The following RECK variants were observed in gnomAD, a reference collection of about 807,000 sequenced individuals.
RECK encodes reversion inducing cysteine rich protein with kazal motifs, also known as reversion-inducing cysteine-rich protein with Kazal motifs.
Under a neutral mutation model 115.1 loss-of-function variants are expected in RECK, and 69 were observed. That is an observed-to-expected ratio of 0.60 (90% CI 0.49 to 0.73). The LOEUF (loss-of-function observed/expected upper bound fraction) is 0.73, where lower values mean the gene tolerates loss of function less well. Among genes scored for constraint, RECK ranks in the 30% least tolerant of loss-of-function variants. The pLI, the probability that RECK is intolerant of heterozygous loss-of-function variation, is 0.00. For synonymous variants in RECK, 414 were observed against 419.7 expected (o/e 0.99, Z 0.17); for missense variants, 1,047 against 1,203.7 (o/e 0.87, Z 1.93).
At position 36,036,958 on chromosome 9, in the gene RECK, G is replaced by C; in HGVS notation, c.-41G>C. 1.5e-6 allele frequency: 2 copies of C among 1,333,396 alleles called. No individual in the cohort carries two copies. The highest frequency in any genetic ancestry group is 2.0e-6 in the Non-Finnish European group (2 of 1,024,356). 82.6% of individuals were successfully genotyped at this position (1,333,396 alleles called of 1,614,324 possible). ...GGCGGCAGCGGCTGCGGCCAAGCTG[G>C]GTCCGAGCATCCCGCGGCTCTGGAG... On this transcript the variant is annotated 5_prime_UTR_variant, in exon 1 of 21. Transcript: ENST00000377966.
intron 1 of RECK, among the ~76,000 whole-genome samples, chr9:36,042,509 A>C (rs998624842): frequency 2.1e-5 from 3 of 144,470 alleles, no homozygotes; most frequent in African/African-American, 5.2e-5. Flanking sequence ...ATTTGGGCTG[A>C]TTCCATATTT....
In RECK at chr9:36,073,986, C is replaced by T. The variant is rs560972196; in HGVS notation, c.406-6619C>T. ...CAGCCATGGGTGGAGGTATTTGCAG[C>T]GTGAACATCAGCAAATACTGCAAAT... On this transcript the variant is annotated intron_variant, in intron 6 of 20. Coordinates refer to ENST00000377966, the MANE Select transcript of RECK (RefSeq NM_021111.3). 5.9e-5 allele frequency among the ~76,000 whole-genome samples: 9 copies of T among 152,212 alleles called. No homozygotes were observed. The South Asian group carries it at 1.2e-3, about 21-fold the overall frequency.
intron 6 of RECK, among the ~76,000 whole-genome samples, chr9:36,078,516 G>A (rs2132616703): frequency 6.6e-6 from 1 of 152,242 alleles, no homozygotes; most frequent in South Asian, 2.1e-4. Flanking sequence ...AGTGTGCCTG[G>A]CCTCTACTCA....
At chr9:36,052,596 G>A (rs1821352614) in intron 2 of RECK, among the ~76,000 whole-genome samples, 1 of 152,184 alleles carries the variant, frequency 6.6e-6, no homozygotes, top group African/African-American at 2.4e-5. Context: ...CAATAATGGG[G>A]CAAAGTGACT....
chr9:36,088,127 G>A (rs144618561), intron 9 of RECK, among the ~76,000 whole-genome samples, 166 bp downstream of exon 9: 79 of 152,264 alleles, frequency 5.2e-4, no homozygotes, highest in African/African-American at 1.2e-3. Flanking sequence ...ATTGTGTACC[G>A]TATACAAAAC....
At position 36,108,004 on chromosome 9, in the gene RECK, C is replaced by T. The variant is rs573832787; in HGVS notation, c.1605C>T (p.Phe535=). 2 of 1,611,612 alleles carry T rather than the reference C, an allele frequency of 1.2e-6. No homozygotes were observed. Among genetic ancestry groups the T allele is most frequent in the South Asian group, 2.2e-5 (2 of 90,490 alleles). ...GCAAACTGGGAGAAGCTTCTGATTT[C>T]ATTGTCCGTCAAGGGACACTAATCC... ...QGCKLGEASD[F]IVRQGTLIQV... Residue 535 remains phenylalanine (F), a synonymous_variant, in exon 14 of 21, where the codon TTC becomes TTT. Coordinates refer to ENST00000377966, the MANE Select transcript of RECK (RefSeq NM_021111.3).
intron 6 of RECK, among the ~76,000 whole-genome samples, chr9:36,079,792 G>A (rs1285855190): frequency 6.6e-6 from 1 of 152,098 alleles, no homozygotes; most frequent in African/African-American, 2.4e-5. Context: ...ATTATTCATA[G>A]CTGACAAGCC....
chr9:36,043,793 C>G (rs896966014), intron 1 of RECK, among the ~76,000 whole-genome samples: 1 of 151,988 alleles, frequency 6.6e-6, no homozygotes, highest in African/African-American at 2.4e-5. Flanking sequence ...CCCCACTTTA[C>G]GTTTTCATTT....
rs776537164 is a variant in RECK at position 36,120,757 on chromosome 9, A to T, written c.2538+21A>T. On this transcript the variant is annotated intron_variant, in intron 19 of 20. Transcript: ENST00000377966. ...CTAAGGTAAATTGCTTTATATTCAG[A>T]TGCTATTGAAATCTTATTGCTAAGC... 7 of 1,454,754 alleles carry T rather than the reference A, an allele frequency of 4.8e-6. No homozygotes were observed. In the African/African-American group the frequency reaches 9.8e-5, roughly 20 times the overall value. The allele number at this position is 1,454,754 out of a possible 1,614,324, so 90.1% of individuals were successfully genotyped here. A position where few individuals can be genotyped will look rare whatever the true frequency, so the allele number is the denominator to read the frequency against.
intron 10 of RECK, among the ~76,000 whole-genome samples, chr9:36,096,598 T>C (rs1173616431): frequency 1.3e-5 from 2 of 151,956 alleles, no homozygotes; most frequent in Admixed American, 6.6e-5. Context: ...CAAATAATAC[T>C]AGAATAATTG....
intron 1 of RECK, among the ~76,000 whole-genome samples, chr9:36,041,635 AG>A (rs1484001944): frequency 1.3e-5 from 2 of 152,226 alleles, no homozygotes; most frequent in Non-Finnish European, 2.9e-5. Flanking sequence ...GGACTGCTAC[AG>A]GAACTAGAAA....
chr9:36,048,446 A>T (rs1191216953), intron 1 of RECK, among the ~76,000 whole-genome samples: 1 of 152,108 alleles, frequency 6.6e-6, no homozygotes, highest in Non-Finnish European at 1.5e-5. Context: ...TGTTTTGAAC[A>T]CAGGTTTGAG....
At chr9:36,052,209 C>T (rs577911752) in intron 1 of RECK, 56 bp from the exon 2 acceptor site, 58 of 1,009,260 alleles carry the variant, frequency 5.7e-5, no homozygotes, top group African/African-American at 5.7e-4. Flanking sequence ...TCTGAATTAG[C>T]TTAGTCATCT....
In RECK at chr9:36,083,559, G is replaced by A; in HGVS notation, c.634G>A (p.Asp212Asn). ...ATCTTATCCAATGAGGAACCCAACGGATAGTAAGTAAAAGGGACATATTCT... is the reference window on the plus strand; with the variant it reads ...ATCTTATCCAATGAGGAACCCAACGAATAGTAAGTAAAAGGGACATATTCT... ...TQSYPMRNPT[D>N]SLYCCDRAED... The change falls in exon 8 of 21, where the codon GAT (aspartate) becomes AAT (asparagine). Residue 212 changes from aspartate (D) to asparagine (N), a missense_variant. Asp to Asn is a conservative substitution (Grantham distance 23). Transcript: ENST00000377966. 1 of 1,612,314 alleles carries A rather than the reference G, an allele frequency of 6.2e-7. No homozygotes were observed. The highest frequency in any genetic ancestry group is 8.5e-7 in the Non-Finnish European group (1 of 1,178,968).
Position 36,110,044 on chromosome 9 carries a change from A to G in RECK, c.1853A>G (p.Glu618Gly). Residue 618 changes from glutamate to glycine, a missense_variant, in exon 15 of 21, where the codon GAG becomes GGG. Coordinates refer to ENST00000377966, the MANE Select transcript of RECK (RefSeq NM_021111.3). ...LVCSTRLCLS[E>G]HSSEDDRRTF... The stretch of plus-strand genomic sequence containing the variant: ...TGCTCTACCCGCCTTTGCCTCAGTG[A>G]GCACAGTTCAGAAGATGACCGTCGT... 6.2e-7 allele frequency: 1 copy of G among 1,613,652 alleles called. No individual in the cohort carries two copies. Among genetic ancestry groups the G allele is most frequent in the Non-Finnish European group, 8.5e-7 (1 of 1,179,608 alleles).
At position 36,108,145 on chromosome 9, in the gene RECK, T is replaced by C; in HGVS notation, c.1746T>C (p.Ile582=). The change falls in exon 14 of 21, where the codon ATT becomes ATC. Residue 582 remains isoleucine, a synonymous_variant. Coordinates refer to ENST00000377966, the MANE Select transcript of RECK (RefSeq NM_021111.3). ...GTATAGACCTCCAGAAGTCTTGTATTGTTGGAGGAAAAAGAAAAAGTGAGT... is the reference window on the plus strand; with the variant it reads ...GTATAGACCTCCAGAAGTCTTGTATCGTTGGAGGAAAAAGAAAAAGTGAGT... ...MHCIDLQKSC[I]VGGKRKSHGT... The C allele has an allele frequency of 6.3e-7, 1 of 1,585,360 alleles. No individual in the cohort carries two copies. The highest frequency in any genetic ancestry group is 8.5e-7 in the Non-Finnish European group (1 of 1,171,762).
chr9:36,096,429 CAGGAGGCTGAGGCAGGAGA>C, intron 10 of RECK, among the ~76,000 whole-genome samples: 1 of 150,598 alleles, frequency 6.6e-6, no homozygotes, highest in East Asian at 2.0e-4. Context: ...CCCAGCTACT[CAGGAGGCTGAGGCAGGAGA>C]ATCGCTTGAA....
intron 1 of RECK, among the ~76,000 whole-genome samples, chr9:36,044,797 A>G (rs1821009319): frequency 6.6e-6 from 1 of 152,206 alleles, no homozygotes; most frequent in Non-Finnish European, 1.5e-5. Flanking sequence ...TTTCAGGCAG[A>G]GGACTGCATT....
At position 36,122,989 on chromosome 9, in the gene RECK, C is replaced by T; in HGVS notation, c.2860C>T (p.Leu954Phe). 6.2e-7 allele frequency: 1 copy of T among 1,614,132 alleles called. No homozygotes were observed. The highest frequency in any genetic ancestry group is 8.5e-7 in the Non-Finnish European group (1 of 1,180,028). ...CAGGGCCAGGCCTTCTTGCCACTCC[C>T]TCCTCCTTCCCCTCAGCTTGGGCCT... ...GVRARPSCHS[L>F]LLPLSLGLAL... is the part of the protein sequence containing the mutation. Residue 954 changes from leucine (L) to phenylalanine (F), a missense_variant, in exon 21 of 21, where the codon CTC becomes TTC. Transcript: ENST00000377966.
Sources: gnomAD v4.1 joint callset for allele counts (sites outside exome capture counted in the v4.1 genomes callset) on GRCh38, gnomAD v4.1.1 for gene constraint, MANE v1.5 for transcripts, NCBI Gene and HGNC (gene_info 2026-07-23, HGNC 2026-07-21) for gene names.